CARMIL3: variants seen among roughly 807,000 people sequenced by gnomAD.
The protein encoded by CARMIL3 is capping protein, Arp2/3 and myosin-I linker protein 3.
CARMIL3 carries 88 observed loss-of-function variants against 180.8 expected under a neutral mutation model. The ratio of observed to expected loss-of-function variants is 0.49; its 90% CI spans 0.41 to 0.58. The LOEUF (loss-of-function observed/expected upper bound fraction) is 0.58, where lower values mean the gene tolerates loss of function less well. Ranked by LOEUF, CARMIL3 falls within the 20% of genes least tolerant of loss-of-function variation. The probability of loss-of-function intolerance (pLI) is 0.00; values close to 1 mark genes in which losing one functional copy is unlikely to be tolerated. For synonymous variants in CARMIL3, 696 were observed against 714.5 expected (o/e 0.97, Z 0.41); for missense variants, 1,548 against 1,787.0 (o/e 0.87, Z 2.41).
intron 24 of CARMIL3, 22 bp downstream of exon 24, chr14:24,060,277 ACGGGGCATACC>A: frequency 6.2e-7 from 1 of 1,613,174 alleles, no homozygotes. Flanking sequence ...CCTCTGGGAC[ACGGGGCATACC>A]CGGGGCATGC....
chr14:24,058,088 G>C lies in CARMIL3; in HGVS notation c.1322+24G>C. ...AGGTCGGGTGGGTGCAGGGTTGGGG[G>C]CGCATCCAAGGGAACCACGGGGAGC... On this transcript the variant is annotated intron_variant, in intron 16 of 39. Coordinates refer to ENST00000342740, the MANE Select transcript of CARMIL3 (RefSeq NM_138360.4). This position sits in a 1 kb window ranked among gnomAD's most constrained non-coding sequence, Gnocchi z 6.4. 6.2e-7 allele frequency: 1 copy of C among 1,613,724 alleles called. No individual in the cohort carries two copies. The highest frequency in any genetic ancestry group is 1.7e-4 in the Middle Eastern group (1 of 6,056).
At position 24,055,535 on chromosome 14, in the gene CARMIL3, C is replaced by A; in HGVS notation, c.606-8C>A. On this transcript the variant is annotated splice_polypyrimidine_tract_variant and splice_region_variant and intron_variant, in intron 8 of 39. Coordinates refer to ENST00000342740, the MANE Select transcript of CARMIL3 (RefSeq NM_138360.4). Reference sequence around the variant, plus strand: ...ACCACTTTCCTGCCCCCTTCCATATCCCCACAGAGACTTGGCCCTAATGGT... The same window carrying A: ...ACCACTTTCCTGCCCCCTTCCATATACCCACAGAGACTTGGCCCTAATGGT... 1 of 1,614,100 alleles carries A rather than the reference C, an allele frequency of 6.2e-7. No homozygotes were observed. The highest frequency in any genetic ancestry group is 8.5e-7 in the Non-Finnish European group (1 of 1,179,958).
At chr14:24,064,887 A>G in intron 32 of CARMIL3, 71 bp from the exon 33 acceptor site, 1 of 1,491,344 alleles carries the variant, frequency 6.7e-7, no homozygotes, top group South Asian at 1.2e-5. Flanking sequence ...ATGAGAGGAA[A>G]GCAGGTTTAT....
intron 39 of CARMIL3, 44 bp from the exon 40 acceptor site, chr14:24,069,335 G>A (rs2035835696): frequency 1.9e-6 from 3 of 1,614,122 alleles, no homozygotes; most frequent in Non-Finnish European, 2.5e-6. Context: ...GTGGCTGGCT[G>A]TCCCTGCCCA....
chr14:24,061,137 G>A lies in CARMIL3; in HGVS notation c.2304+97G>A, dbSNP rs1016316540. 4.4e-5 allele frequency: 48 copies of A among 1,093,506 alleles called. No homozygotes were observed. Among genetic ancestry groups the A allele is most frequent in the Non-Finnish European group, 6.1e-5 (46 of 749,210 alleles). The allele number at this position is 1,093,506 out of a possible 1,614,324, so 67.7% of individuals were successfully genotyped here. On this transcript the variant is annotated intron_variant, in intron 26 of 39. Coordinates refer to ENST00000342740, the MANE Select transcript of CARMIL3 (RefSeq NM_138360.4). The surrounding 1 kb of genome is among the most constrained non-coding windows in gnomAD (Gnocchi z 4.1). Reference sequence around the variant, plus strand: ...AGTCAGAGCTGGGAGACTTCTGGAGGGCCAGGAGGACATGCAGAGTTGAGA... The same window carrying A: ...AGTCAGAGCTGGGAGACTTCTGGAGAGCCAGGAGGACATGCAGAGTTGAGA...
intron 10 of CARMIL3, 47 bp from the exon 11 acceptor site, chr14:24,056,252 G>T (rs779048979): frequency 6.6e-7 from 1 of 1,519,530 alleles, no homozygotes. Flanking sequence ...CAGAGGCTGG[G>T]ACCTGGGGCT....
chr14:24,056,294 T>C lies in CARMIL3; in HGVS notation c.771-5T>C, dbSNP rs2035671074. 3 of 1,612,970 alleles carry C rather than the reference T, an allele frequency of 1.9e-6. No individual in the cohort carries two copies. The highest frequency in any genetic ancestry group is 2.5e-6 in the Non-Finnish European group (3 of 1,179,152). On this transcript the variant is annotated splice_polypyrimidine_tract_variant and splice_region_variant and intron_variant, in intron 10 of 39. Coordinates refer to ENST00000342740, the MANE Select transcript of CARMIL3 (RefSeq NM_138360.4). Reference sequence around the variant, plus strand: ...AGGACAAATCCTTCCTCCCCTTCCCTGAAGGGACTTTGTCCAGAAGCTGGC... The same window carrying C: ...AGGACAAATCCTTCCTCCCCTTCCCCGAAGGGACTTTGTCCAGAAGCTGGC...
In CARMIL3 at chr14:24,061,295, T is replaced by C; in HGVS notation, c.2305-202T>C. ...TGGATCCTTGGACTGACTGCCCCTGTCTGTATGGTAGGGTGGAAGGAGCAC... is the reference window on the plus strand; with the variant it reads ...TGGATCCTTGGACTGACTGCCCCTGCCTGTATGGTAGGGTGGAAGGAGCAC... On this transcript the variant is annotated intron_variant, in intron 26 of 39. Coordinates refer to ENST00000342740, the MANE Select transcript of CARMIL3 (RefSeq NM_138360.4). This position sits in a 1 kb window ranked among gnomAD's most constrained non-coding sequence, Gnocchi z 4.1. 3.1e-6 allele frequency: 2 copies of C among 640,072 alleles called. No individual in the cohort carries two copies. The highest frequency in any genetic ancestry group is 5.3e-6 in the Non-Finnish European group (2 of 373,962). 39.6% of individuals were successfully genotyped at this position (640,072 alleles called of 1,614,324 possible).
rs143975492 is a variant in CARMIL3, at chr14:24,059,489, C to T, written c.1799+47C>T. On this transcript the variant is annotated intron_variant, in intron 21 of 39. Transcript: ENST00000342740. This position sits in a 1 kb window ranked among gnomAD's most constrained non-coding sequence, Gnocchi z 6.3. Reference sequence around the variant, plus strand: ...CCTGACCTGGAGCCCCAGCCCCTCCCCATATGTACATAATCTCCCTGCTTT... The same window carrying T: ...CCTGACCTGGAGCCCCAGCCCCTCCTCATATGTACATAATCTCCCTGCTTT... 4.0e-3 allele frequency: 6,111 copies of T among 1,544,610 alleles called. 20 individuals are homozygous for T. The highest frequency in any genetic ancestry group is 4.0e-3 in the Non-Finnish European group (4,529 of 1,141,942).
At chr14:24,065,459 C>A in intron 33 of CARMIL3, 163 bp from the exon 34 acceptor site, 1 of 1,116,942 alleles carries the variant, frequency 9.0e-7, no homozygotes, top group Non-Finnish European at 1.3e-6. Flanking sequence ...GCTGGGAGTG[C>A]TATATGCGAA....
At position 24,065,284 on chromosome 14, in the gene CARMIL3, C is replaced by T. The variant is rs1284520286; in HGVS notation, c.3396+11C>T. The T allele has an allele frequency of 6.6e-7, 1 of 1,518,028 alleles. No homozygotes were observed. The highest frequency in any genetic ancestry group is 8.8e-7 in the Non-Finnish European group (1 of 1,140,882). 94.0% of individuals were successfully genotyped at this position (1,518,028 alleles called of 1,614,324 possible). A position where few individuals can be genotyped will look rare whatever the true frequency, so the allele number is the denominator to read the frequency against. On this transcript the variant is annotated intron_variant, in intron 33 of 39. Coordinates refer to ENST00000342740, the MANE Select transcript of CARMIL3 (RefSeq NM_138360.4). Reference sequence around the variant, plus strand: ...TTCCGCCGGAAGATGGTAAGTGAGGCAGGGGGTGCTGTGTCTTCCCCTTTT... The same window carrying T: ...TTCCGCCGGAAGATGGTAAGTGAGGTAGGGGGTGCTGTGTCTTCCCCTTTT...
chr14:24,052,050 A>G lies in CARMIL3; in HGVS notation c.-104A>G. The G allele has an allele frequency of 1.7e-6, 2 of 1,205,582 alleles. No homozygotes were observed. Among genetic ancestry groups the G allele is most frequent in the Non-Finnish European group, 2.2e-6 (2 of 913,274 alleles). 74.7% of individuals were successfully genotyped at this position (1,205,582 alleles called of 1,614,324 possible). A position where few individuals can be genotyped will look rare whatever the true frequency, so the allele number is the denominator to read the frequency against. On this transcript the variant is annotated 5_prime_UTR_variant, in exon 1 of 40. Coordinates refer to ENST00000342740, the MANE Select transcript of CARMIL3 (RefSeq NM_138360.4). ...CCGGAGCGGGCTCGGCCGCTGCTGCAGCGCTCAGCGCCCGGGCCCTGCTGA... is the reference window on the plus strand; with the variant it reads ...CCGGAGCGGGCTCGGCCGCTGCTGCGGCGCTCAGCGCCCGGGCCCTGCTGA...
At chr14:24,063,879 A>G (rs1040127940) in intron 31 of CARMIL3, among the ~76,000 whole-genome samples, 1 of 144,002 alleles carries the variant, frequency 6.9e-6, no homozygotes, top group Non-Finnish European at 1.5e-5. Context: ...GCAGATCACG[A>G]GGTCAAGAGA....
chr14:24,063,224 C>T (rs1289568682), intron 30 of CARMIL3, 41 bp downstream of exon 30: 7 of 1,603,400 alleles, frequency 4.4e-6, no homozygotes, highest in South Asian at 3.3e-5. Context: ...TCCAGACTCC[C>T]GCCCTCTGTA....
At position 24,064,138 on chromosome 14, in the gene CARMIL3, G is replaced by A. The variant is rs141248176; in HGVS notation, c.2980-108G>A. On this transcript the variant is annotated intron_variant, in intron 31 of 39. Transcript: ENST00000342740. ...AAAAAGAAACACTGGGTGAACTGAA[G>A]TCTACATTTCCATAAATGTCCAAGC... The A allele has an allele frequency of 1.8e-3, 1,162 of 652,266 alleles. 11 individuals are homozygous for A. The highest frequency in any genetic ancestry group is 0.017 in the East Asian group (552 of 31,786). 40.4% of individuals were successfully genotyped at this position (652,266 alleles called of 1,614,324 possible). A position where few individuals can be genotyped will look rare whatever the true frequency, so the allele number is the denominator to read the frequency against.
At chr14:24,065,870 G>A in intron 34 of CARMIL3, 120 bp downstream of exon 34, 5 of 1,401,078 alleles carry the variant, frequency 3.6e-6, no homozygotes, top group Non-Finnish European at 4.8e-6. Context: ...GGCATTAGAA[G>A]ATGTTAGCTG....
chr14:24,058,125 A>G lies in CARMIL3; in HGVS notation c.1323-30A>G. On this transcript the variant is annotated intron_variant, in intron 16 of 39. Coordinates refer to ENST00000342740, the MANE Select transcript of CARMIL3 (RefSeq NM_138360.4). This position sits in a 1 kb window ranked among gnomAD's most constrained non-coding sequence, Gnocchi z 6.4. ...GAACCACGGGGAGCGGGAAGAGGTAAAGGAGGGCCTGCTGACCTCCCTCCC... is the reference window on the plus strand; with the variant it reads ...GAACCACGGGGAGCGGGAAGAGGTAGAGGAGGGCCTGCTGACCTCCCTCCC... 1 of 1,613,674 alleles carries G rather than the reference A, an allele frequency of 6.2e-7. No homozygotes were observed. Among genetic ancestry groups the G allele is most frequent in the Non-Finnish European group, 8.5e-7 (1 of 1,179,948 alleles).
intron 1 of CARMIL3, among the ~76,000 whole-genome samples, chr14:24,053,015 G>A (rs1245337068): frequency 6.6e-6 from 1 of 151,992 alleles, no homozygotes; most frequent in African/African-American, 2.4e-5. Context: ...ATCATTAGAC[G>A]TGTGTAAACA....
In CARMIL3 at chr14:24,052,181, C is replaced by T; in HGVS notation, c.28C>T (p.Arg10Cys). 1 of 1,593,558 alleles carries T rather than the reference C, an allele frequency of 6.3e-7. No individual in the cohort carries two copies. Among genetic ancestry groups the T allele is most frequent in the Non-Finnish European group, 8.5e-7 (1 of 1,174,218 alleles). The change falls in exon 1 of 40, where the codon CGC (arginine) becomes TGC (cysteine). Residue 10 changes from arginine (R) to cysteine (C), a missense_variant. Coordinates refer to ENST00000342740, the MANE Select transcript of CARMIL3 (RefSeq NM_138360.4). Reference sequence around the variant, plus strand: ...GGCCAAGCCCAGCGTGGAGCTCACCCGCGAGTTGCAAGGTACGAGGCTGCC... The same window carrying T: ...GGCCAAGCCCAGCGTGGAGCTCACCTGCGAGTTGCAAGGTACGAGGCTGCC... Reference protein sequence around the residue: MAKPSVELTRELQDSIRRCL... With the variant: MAKPSVELTCELQDSIRRCL...
Sources: allele counts gnomAD v4.1 joint callset (sites outside exome capture counted in the v4.1 genomes callset), GRCh38; gene constraint gnomAD v4.1.1; non-coding constraint Gnocchi (gnomAD v3.1); transcripts MANE v1.5; gene names NCBI Gene and HGNC (gene_info 2026-07-23, HGNC 2026-07-21).